Variants in AQP12A observed in about 807,000 individuals in gnomAD.
The protein encoded by AQP12A is aquaporin 12A.
Under a neutral mutation model 12.2 loss-of-function variants are expected in AQP12A, and 11 were observed. That is an observed-to-expected ratio of 0.90 (90% confidence interval 0.57 to 1.49). The LOEUF (loss-of-function observed/expected upper bound fraction) is 1.49, where lower values mean the gene tolerates loss of function less well. Ranked by LOEUF, AQP12A falls within the 40% of genes most tolerant of loss-of-function variation. AQP12A has a pLI of 0.00. For missense variants in AQP12A, 203 were observed against 260.8 expected (o/e 0.78, Z 1.53); for synonymous variants, 101 against 127.1 (o/e 0.79, Z 1.38).
At chr2:240,693,492 C>T (rs1385489106) in intron 2 of AQP12A, among the ~76,000 whole-genome samples, 3 of 151,996 alleles carry the variant, frequency 2.0e-5, no homozygotes, top group African/African-American at 7.2e-5. Context: ...GTCCTGCCTC[C>T]ACGAGGCACA....
intron 2 of AQP12A, among the ~76,000 whole-genome samples, chr2:240,692,965 C>A (rs1213701299): frequency 6.6e-6 from 1 of 152,258 alleles, no homozygotes; most frequent in Non-Finnish European, 1.5e-5. Context: ...CTGCATCCTG[C>A]GATCTCTGCC....
Position 240,692,389 on chromosome 2 carries a change from G to A in AQP12A, c.439G>A (p.Val147Met), listed in dbSNP as rs1379424550. ...CTGCAGCTCGGCCCTGCGCACATCCGTGCCCCACGGGGCGCTTGTGGAGGC... is the reference window on the plus strand; with the variant it reads ...CTGCAGCTCGGCCCTGCGCACATCCATGCCCCACGGGGCGCTTGTGGAGGC... ...QSCSSALRTSVPHGALVEAAC... is the reference protein window; with the variant it reads ...QSCSSALRTSMPHGALVEAAC... Residue 147 changes from valine to methionine, a missense_variant, in exon 2 of 4, where the codon GTG (valine) becomes ATG (methionine). Val to Met is a conservative substitution (Grantham distance 21, BLOSUM62 1). Around this residue, in one of 2 missense-constraint regions of AQP12A, gnomAD observed 191 missense variants for 197.1 expected, o/e 0.97. Transcript: ENST00000337801. 5.2e-5 allele frequency: 79 copies of A among 1,510,480 alleles called. 3 individuals are homozygous for A. The highest frequency in any genetic ancestry group is 6.4e-5 in the Non-Finnish European group (72 of 1,132,526). 93.6% of individuals were successfully genotyped at this position (1,510,480 alleles called of 1,614,324 possible).
intron 2 of AQP12A, among the ~76,000 whole-genome samples, chr2:240,693,548 GT>G (rs1415680915): frequency 6.6e-6 from 1 of 151,422 alleles, no homozygotes; most frequent in African/African-American, 2.4e-5. Context: ...CAGGGTCCTG[GT>G]TTACACCTGG....
chr2:240,693,913 CCTCT>C (rs1372735638), intron 2 of AQP12A, among the ~76,000 whole-genome samples: 2 of 43,890 alleles, frequency 4.6e-5, no homozygotes, highest in Non-Finnish European at 8.5e-5. Context: ...CTCTGTCTCT[CCTCT>C]CTCTCTCTGT....
rs2044067528 is a variant in AQP12A at position 240,691,871 on chromosome 2, C to G, written c.-43C>G. ...AACCAGCCAGCTCCTGCTCTGTCCCCTCAGGTGTCCTGCAGGCACAGCTCC... is the reference window on the plus strand; with the variant it reads ...AACCAGCCAGCTCCTGCTCTGTCCCGTCAGGTGTCCTGCAGGCACAGCTCC... On this transcript the variant is annotated 5_prime_UTR_variant, in exon 1 of 4. Coordinates refer to ENST00000337801, the MANE Select transcript of AQP12A (RefSeq NM_198998.3). 6.3e-7 allele frequency: 1 copy of G among 1,587,044 alleles called. No homozygotes were observed. Among genetic ancestry groups the G allele is most frequent in the Non-Finnish European group, 8.6e-7 (1 of 1,168,270 alleles).
At chr2:240,693,411 G>T (rs1380375420) in intron 2 of AQP12A, among the ~76,000 whole-genome samples, 2 of 152,272 alleles carry the variant, frequency 1.3e-5, no homozygotes, top group African/African-American at 4.8e-5. Flanking sequence ...CGGGAGCTCT[G>T]CAGGGACACG....
rs1342817226 is a variant in AQP12A at position 240,691,873 on chromosome 2, C to T, written c.-41C>T. ...CCAGCCAGCTCCTGCTCTGTCCCCTCAGGTGTCCTGCAGGCACAGCTCCTC... is the reference window on the plus strand; with the variant it reads ...CCAGCCAGCTCCTGCTCTGTCCCCTTAGGTGTCCTGCAGGCACAGCTCCTC... On this transcript the variant is annotated 5_prime_UTR_variant, in exon 1 of 4. Transcript: ENST00000337801. 1.3e-6 allele frequency: 2 copies of T among 1,587,174 alleles called. No individual in the cohort carries two copies. Among genetic ancestry groups the T allele is most frequent in the Non-Finnish European group, 1.7e-6 (2 of 1,168,326 alleles).
At chr2:240,693,048 C>A (rs1262488593) in intron 2 of AQP12A, among the ~76,000 whole-genome samples, 2 of 152,248 alleles carry the variant, frequency 1.3e-5, no homozygotes, top group Non-Finnish European at 2.9e-5. Flanking sequence ...CCACTCAGAC[C>A]CTCCGTCTGA....
Position 240,692,521 on chromosome 2 carries a change from G to C in AQP12A, c.571G>C (p.Ala191Pro). 1 of 1,306,680 alleles carries C rather than the reference G, an allele frequency of 7.7e-7. No individual in the cohort carries two copies. Among genetic ancestry groups the C allele is most frequent in the South Asian group, 1.5e-5 (1 of 68,338 alleles). 80.9% of individuals were successfully genotyped at this position (1,306,680 alleles called of 1,614,324 possible). ...ALLVTVTAYT[A>P]GPFTSAFFNP... ...GTTGGTCACCGTCACGGCCTACACG[G>C]GTGAGCACTGCTTCCCCTTCCCCTG... The change falls in exon 2 of 4, where the codon GCC becomes CCC. Residue 191 changes from alanine (A) to proline (P), a missense_variant and splice_region_variant. Physicochemically the swap from Ala to Pro is conservative, Grantham distance 27. Coordinates refer to ENST00000337801, the MANE Select transcript of AQP12A (RefSeq NM_198998.3).
At chr2:240,693,897 GTCTCTCTCTGTCTCTCCTCTCTC>G (rs1559462438) in intron 2 of AQP12A, among the ~76,000 whole-genome samples, 1 of 30,694 alleles carries the variant, frequency 3.3e-5, no homozygotes, top group South Asian at 1.0e-3. Context: ...CTGTCTCCCT[GTCTCTCTCTGTCTCTCCTCTCTC>G]TCTCTGTCTC....
At position 240,692,171 on chromosome 2, in the gene AQP12A, C is replaced by T. The variant is rs140654125; in HGVS notation, c.221C>T (p.Thr74Ile). 1.5e-3 allele frequency: 2,356 copies of T among 1,583,408 alleles called. 247 individuals carry two copies. Among genetic ancestry groups the T allele is most frequent in the South Asian group, 2.4e-3 (213 of 88,640 alleles). Residue 74 changes from threonine to isoleucine, a missense_variant, in exon 2 of 4, where the codon ACC (threonine) becomes ATC (isoleucine). By Grantham distance (89) the Thr-to-Ile change is moderately conservative. This residue lies in a region of AQP12A where 191 missense variants were observed against 197.1 expected (regional missense o/e 0.97). Coordinates refer to ENST00000337801, the MANE Select transcript of AQP12A (RefSeq NM_198998.3). The part of the protein sequence containing the change: ...LFLLFLAHGV[T>I]LDGASANPTV... ...CTGCTCTTCCTGGCGCACGGGGTCA[C>T]CTTGGACGGGGCCTCGGCCAACCCC...
Sources: allele counts gnomAD v4.1 joint callset (sites outside exome capture counted in the v4.1 genomes callset), GRCh38; gene constraint gnomAD v4.1.1; regional missense constraint gnomAD v4.1.1; transcripts MANE v1.5; gene names NCBI Gene and HGNC (gene_info 2026-07-23, HGNC 2026-07-21).